KCNH7: variants seen among roughly 807,000 people sequenced by gnomAD.
KCNH7 encodes voltage-gated inwardly rectifying potassium channel KCNH7.
KCNH7 carries 49 observed loss-of-function variants against 120.8 expected under a neutral mutation model. That is an observed-to-expected ratio of 0.41 (90% CI 0.32 to 0.51). KCNH7 has a LOEUF of 0.51. Ranked by LOEUF, KCNH7 falls within the 20% of genes least tolerant of loss-of-function variation. The pLI, the probability that KCNH7 is intolerant of heterozygous loss-of-function variation, is 0.38. For missense variants in KCNH7, 1,097 were observed against 1,446.6 expected (o/e 0.76, Z 3.92); for synonymous variants, 547 against 516.1 (o/e 1.06, Z -0.81).
chr2:162,680,375 C>T (rs765392655), intron 2 of KCNH7, among the ~76,000 whole-genome samples: 5 of 151,576 alleles, frequency 3.3e-5, no homozygotes, highest in African/African-American at 9.7e-5. Context: ...GAATAGGACT[C>T]GTGGAGAAAG....
At chr2:162,524,919 A>C (rs1691647912) in intron 3 of KCNH7, among the ~76,000 whole-genome samples, 1 of 151,948 alleles carries the variant, frequency 6.6e-6, no homozygotes, top group African/African-American at 2.4e-5. Context: ...AATGATGTAG[A>C]TAGCAGCTAG....
intron 2 of KCNH7, among the ~76,000 whole-genome samples, chr2:162,707,709 T>C (rs1191407166): frequency 5.9e-5 from 9 of 151,998 alleles, no homozygotes; most frequent in Admixed American, 1.3e-4. Flanking sequence ...CCTCAAAAAA[T>C]GCAAGGTAGG....
intron 2 of KCNH7, among the ~76,000 whole-genome samples, chr2:162,660,239 C>A (rs927453163): frequency 1.3e-5 from 2 of 151,928 alleles, no homozygotes; most frequent in Non-Finnish European, 2.9e-5. Context: ...CTTATTTCTT[C>A]TTTTCTAATA....
At chr2:162,758,472 A>G (rs1688862328) in intron 2 of KCNH7, among the ~76,000 whole-genome samples, 1 of 152,052 alleles carries the variant, frequency 6.6e-6, no homozygotes, top group Non-Finnish European at 1.5e-5. Flanking sequence ...ACACACATAT[A>G]TATACACACA....
intron 8 of KCNH7, among the ~76,000 whole-genome samples, chr2:162,434,688 G>T (rs1430719443): frequency 6.7e-6 from 1 of 148,714 alleles, no homozygotes; most frequent in Non-Finnish European, 1.5e-5. Context: ...GTATAAATTG[G>T]TATGTGTATG....
chr2:162,481,166 T>A (rs575211593), intron 6 of KCNH7, among the ~76,000 whole-genome samples: 14 of 152,272 alleles, frequency 9.2e-5, no homozygotes, highest in Admixed American at 7.9e-4. Flanking sequence ...TTCTATCTTT[T>A]CCCACTCAAC....
intron 11 of KCNH7, among the ~76,000 whole-genome samples, chr2:162,395,261 T>C (rs1447775658): frequency 1.3e-5 from 2 of 151,782 alleles, no homozygotes; most frequent in Non-Finnish European, 2.9e-5. Context: ...AAGTCAATTG[T>C]AGTAATTTAA....
At chr2:162,704,266 A>G (rs1487504274) in intron 2 of KCNH7, among the ~76,000 whole-genome samples, 2 of 152,144 alleles carry the variant, frequency 1.3e-5, no homozygotes, top group African/African-American at 4.8e-5. Context: ...AGAGTGGGCC[A>G]ATGTTGATAG....
chr2:162,602,644 C>A (rs1694595465), intron 2 of KCNH7, among the ~76,000 whole-genome samples: 1 of 152,002 alleles, frequency 6.6e-6, no homozygotes, highest in Non-Finnish European at 1.5e-5. Context: ...TTCAAAAGAA[C>A]CTCCCTAACG....
intron 6 of KCNH7, among the ~76,000 whole-genome samples, chr2:162,488,157 T>C (rs1002129389): frequency 2.6e-5 from 4 of 152,210 alleles, no homozygotes; most frequent in Non-Finnish European, 5.9e-5. Flanking sequence ...TGACAACAGA[T>C]ATCAACAATC....
chr2:162,625,729 T>C (rs1366120884), intron 2 of KCNH7, among the ~76,000 whole-genome samples: 4 of 152,054 alleles, frequency 2.6e-5, no homozygotes, highest in Non-Finnish European at 4.4e-5. Context: ...AGCCGCAGCG[T>C]TGGGGATTAC....
intron 2 of KCNH7, among the ~76,000 whole-genome samples, chr2:162,688,378 C>A (rs193267382): frequency 6.6e-6 from 1 of 152,072 alleles, no homozygotes; most frequent in Non-Finnish European, 1.5e-5. Flanking sequence ...TCCATAACTG[C>A]GTAGTTGTAC....
chr2:162,663,892 T>G (rs181245581), intron 2 of KCNH7, among the ~76,000 whole-genome samples: 1 of 152,286 alleles, frequency 6.6e-6, no homozygotes, highest in Admixed American at 6.5e-5. Flanking sequence ...AGGAATTTGT[T>G]AAGAATCACT....
At chr2:162,483,584 TA>T (rs1326607749) in intron 6 of KCNH7, among the ~76,000 whole-genome samples, 1 of 152,156 alleles carries the variant, frequency 6.6e-6, no homozygotes, top group African/African-American at 2.4e-5. Flanking sequence ...TCTTGACAAT[TA>T]GTATCAATTC....
intron 2 of KCNH7, among the ~76,000 whole-genome samples, chr2:162,637,701 T>C (rs1453314564): frequency 1.3e-5 from 2 of 152,032 alleles, no homozygotes; most frequent in Admixed American, 1.3e-4. Flanking sequence ...TTGTACATCA[T>C]AAATATATAC....
chr2:162,444,755 T>C (rs1279683608), intron 7 of KCNH7, among the ~76,000 whole-genome samples: 1 of 152,146 alleles, frequency 6.6e-6, no homozygotes, highest in Non-Finnish European at 1.5e-5. Context: ...CCACCCATTA[T>C]AAGAAACTCA....
chr2:162,694,875 C>T (rs946500289), intron 2 of KCNH7, among the ~76,000 whole-genome samples: 2 of 152,010 alleles, frequency 1.3e-5, no homozygotes, highest in Non-Finnish European at 2.9e-5. Flanking sequence ...TCCTGAGTAG[C>T]TGGGACCACA....
chr2:162,526,663 T>C (rs1238638040), intron 3 of KCNH7, among the ~76,000 whole-genome samples: 1 of 152,044 alleles, frequency 6.6e-6, no homozygotes, highest in Non-Finnish European at 1.5e-5. Flanking sequence ...TTATCTCTCT[T>C]GTTCCCTGAA....
rs983320563 is a variant in KCNH7 at position 162,838,471 on chromosome 2, C to T, written c.48G>A (p.Gly16=). ...GCCCTTCAAATTTCCGAATGATGGT[C>T]CCCAGAAATGTATTTTGTGGTGCCA... is the stretch of plus-strand genomic sequence containing the variant. ...GHVAPQNTFL[G]TIIRKFEGQN... Residue 16 remains glycine, a synonymous_variant, in exon 1 of 16, where the codon GGG becomes GGA. Coordinates refer to ENST00000332142, the MANE Select transcript of KCNH7 (RefSeq NM_033272.4). 1 of 1,613,680 alleles carries T rather than the reference C, an allele frequency of 6.2e-7. No individual in the cohort carries two copies. Among genetic ancestry groups the T allele is most frequent in the African/African-American group, 1.3e-5 (1 of 74,896 alleles).
Sources: gnomAD v4.1 joint callset for allele counts (sites outside exome capture counted in the v4.1 genomes callset) on GRCh38, gnomAD v4.1.1 for gene constraint, MANE v1.5 for transcripts, NCBI Gene and HGNC (gene_info 2026-07-23, HGNC 2026-07-21) for gene names.